PCDHA9: variants seen among roughly 807,000 people sequenced by gnomAD.
PCDHA9 encodes the protein protocadherin alpha-9.
A neutral mutation model predicts 62.0 loss-of-function variants in PCDHA9; 62 were observed. The ratio of observed to expected loss-of-function variants is 1.00; its 90% CI spans 0.81 to 1.23. The LOEUF (loss-of-function observed/expected upper bound fraction) is 1.23. Ranked by LOEUF, PCDHA9 falls within the 50% of genes most tolerant of loss-of-function variation. PCDHA9 has a pLI of 0.00. For missense variants in PCDHA9, 1,205 were observed against 1,249.8 expected (o/e 0.96, Z 0.54); for synonymous variants, 557 against 567.6 (o/e 0.98, Z 0.27).
intron 1 of PCDHA9, among the ~76,000 whole-genome samples, chr5:140,933,742 A>G (rs1242551337): frequency 6.6e-6 from 1 of 152,068 alleles, no homozygotes; most frequent in Non-Finnish European, 1.5e-5. Context: ...AATATTTGGT[A>G]GAATTCACTA....
chr5:140,884,590 C>T, intron 1 of PCDHA9: 1 of 1,614,182 alleles, frequency 6.2e-7, no homozygotes, highest in Non-Finnish European at 8.5e-7. Flanking sequence ...CCTTCAGTCC[C>T]AGCCTTCCTC....
rs782413551 is a variant in PCDHA9, at chr5:141,009,873, A to G, written c.2789A>G (p.Lys930Arg). Residue 930 changes from lysine to arginine, a missense_variant, in exon 4 of 4, where the codon AAG becomes AGG. By Grantham distance (26) the Lys-to-Arg change is conservative. Coordinates refer to ENST00000532602, the MANE Select transcript of PCDHA9 (RefSeq NM_031857.2). ...EETKKKKKKK[K>R]GNKTQEKKEK... The stretch of plus-strand genomic sequence containing the variant: ...ACCAAGAAAAAGAAGAAAAAGAAGA[A>G]GGGTAACAAGACCCAGGAGAAAAAA... 6.2e-7 allele frequency: 1 copy of G among 1,614,034 alleles called. No individual in the cohort carries two copies. The highest frequency in any genetic ancestry group is 8.5e-7 in the Non-Finnish European group (1 of 1,180,008).
At chr5:140,877,946 C>G in intron 1 of PCDHA9, 1 of 1,349,558 alleles carries the variant, frequency 7.4e-7, no homozygotes, top group South Asian at 1.7e-5. Context: ...TTTAAACTAT[C>G]GAATGTCTCA....
chr5:140,941,963 T>A (rs2093209364), intron 1 of PCDHA9, among the ~76,000 whole-genome samples: 1 of 152,230 alleles, frequency 6.6e-6, no homozygotes. Flanking sequence ...CAATAGTATC[T>A]TTACTTTCCC....
At chr5:140,928,506 A>G (rs1554205940) in intron 1 of PCDHA9, 4 of 1,614,090 alleles carry the variant, frequency 2.5e-6, no homozygotes, top group African/African-American at 1.3e-5. Context: ...GAAGTGCAAC[A>G]GTGACTATAA....
chr5:140,968,363 G>A, intron 1 of PCDHA9: 1 of 1,614,090 alleles, frequency 6.2e-7, no homozygotes, highest in Non-Finnish European at 8.5e-7. Flanking sequence ...CAGCCTTTAT[G>A]CTGTCAACTC....
At chr5:140,883,329 C>T (rs1554177701) in intron 1 of PCDHA9, 1 of 1,614,166 alleles carries the variant, frequency 6.2e-7, no homozygotes. Context: ...ACCATCACTT[C>T]TTTGTCACTC....
At chr5:140,877,163 C>T (rs782243946) in intron 1 of PCDHA9, 3 of 1,613,816 alleles carry the variant, frequency 1.9e-6, no homozygotes, top group Non-Finnish European at 2.5e-6. Context: ...AACGCGCCGG[C>T]ACTGCTGGCG....
At chr5:140,985,982 G>A (rs1380609067) in intron 3 of PCDHA9, among the ~76,000 whole-genome samples, 3 of 151,940 alleles carry the variant, frequency 2.0e-5, no homozygotes, top group East Asian at 1.9e-4. Flanking sequence ...CTCGTGATCC[G>A]CCCACCTCAG....
intron 1 of PCDHA9, among the ~76,000 whole-genome samples, chr5:140,914,158 C>T (rs1041086072): frequency 1.2e-4 from 18 of 152,276 alleles, no homozygotes; most frequent in East Asian, 9.6e-4. Flanking sequence ...CTGTCCAATA[C>T]GGAAAGTGGG....
chr5:140,931,759 T>C (rs2087738384), intron 1 of PCDHA9, among the ~76,000 whole-genome samples: 2 of 151,994 alleles, frequency 1.3e-5, no homozygotes, highest in African/African-American at 4.8e-5. Flanking sequence ...GCATTTGTTA[T>C]TTACTTCTTC....
intron 3 of PCDHA9, among the ~76,000 whole-genome samples, chr5:141,009,322 G>C (rs2098405890): frequency 6.6e-6 from 1 of 152,206 alleles, no homozygotes. Flanking sequence ...AGCCTGGCAT[G>C]GGAGCTTGTG....
intron 3 of PCDHA9, among the ~76,000 whole-genome samples, chr5:140,985,903 C>G (rs1554247500): frequency 6.6e-6 from 1 of 151,964 alleles, no homozygotes; most frequent in Non-Finnish European, 1.5e-5. Context: ...CCACTCCCGT[C>G]TAATTTTTTG....
chr5:140,966,712 TG>T, intron 1 of PCDHA9: 1 of 1,392,090 alleles, frequency 7.2e-7, no homozygotes, highest in South Asian at 1.6e-5. Context: ...GGGGCACGGC[TG>T]GGGAAGCTGC....
At chr5:140,968,017 C>A in intron 1 of PCDHA9, 1 of 1,614,216 alleles carries the variant, frequency 6.2e-7, no homozygotes, top group South Asian at 1.1e-5. Flanking sequence ...GCTTTGGAAA[C>A]TCCTATACAC....
intron 1 of PCDHA9, chr5:140,884,448 CCACCGAGGGCGCGTGCGCGCCGGG>C (rs1244657512): frequency 1.9e-6 from 3 of 1,613,716 alleles, no homozygotes; most frequent in Non-Finnish European, 2.5e-6. Context: ...TCGGCACCGC[CCACCGAGGGCGCGTGCGCGCCGGG>C]CAAGCCCACT....
At chr5:140,941,202 CCTTTCTTT>C (rs797023184) in intron 1 of PCDHA9, among the ~76,000 whole-genome samples, 5 of 122,740 alleles carry the variant, frequency 4.1e-5, no homozygotes, top group Non-Finnish European at 9.0e-5. Context: ...TTTCTTTCTT[CCTTTCTTT>C]CTTCCTTTCT....
chr5:140,884,811 T>C (rs782097563), intron 1 of PCDHA9: 155 of 1,119,034 alleles, frequency 1.4e-4, no homozygotes, highest in Non-Finnish European at 1.9e-4. Context: ...AACTCTGCTG[T>C]GGACATTATG....
chr5:141,009,938 G>T lies in PCDHA9; in HGVS notation c.*1G>T, dbSNP rs781826815. The T allele has an allele frequency of 6.6e-5, 106 of 1,600,570 alleles. No individual in the cohort carries two copies. The highest frequency in any genetic ancestry group is 8.9e-5 in the Non-Finnish European group (105 of 1,175,516). ...CACGACTGACAACAGTGACCAGTGA[G>T]GTCCTCAAATGGAAACAAGCCACTT... On this transcript the variant is annotated 3_prime_UTR_variant, in exon 4 of 4. Coordinates refer to ENST00000532602, the MANE Select transcript of PCDHA9 (RefSeq NM_031857.2).
Sources: gnomAD v4.1 joint callset for allele counts (sites outside exome capture counted in the v4.1 genomes callset) on GRCh38, gnomAD v4.1.1 for gene constraint, MANE v1.5 for transcripts, NCBI Gene and HGNC (gene_info 2026-07-23, HGNC 2026-07-21) for gene names.